Variants in PRKN observed in about 807,000 individuals in gnomAD.
The protein encoded by PRKN is E3 ubiquitin-protein ligase parkin.
PRKN carries 56 observed loss-of-function variants against 59.5 expected under a neutral mutation model. The ratio of observed to expected loss-of-function variants is 0.94; its 90% CI spans 0.76 to 1.18. The LOEUF is 1.18. Ranked by LOEUF, PRKN falls within the 50% of genes most tolerant of loss-of-function variation. The probability of loss-of-function intolerance (pLI) is 0.00; values close to 1 mark genes in which losing one functional copy is unlikely to be tolerated. For missense variants in PRKN, 657 were observed against 596.4 expected (o/e 1.10, Z -1.06); for synonymous variants, 250 against 222.1 (o/e 1.13, Z -1.12).
chr6:162,373,553 G>C (rs1785883917), intron 2 of PRKN, among the ~76,000 whole-genome samples: 1 of 152,002 alleles, frequency 6.6e-6, no homozygotes, highest in Admixed American at 6.6e-5. Context: ...TTTTGACTGA[G>C]TGAATTAGGA....
chr6:161,481,314 A>T (rs1791385199), intron 9 of PRKN, among the ~76,000 whole-genome samples: 1 of 152,246 alleles, frequency 6.6e-6, no homozygotes, highest in Middle Eastern at 3.4e-3. Context: ...AGTAATAAAA[A>T]GAACCTTTGG....
chr6:161,656,809 G>C (rs1199243900), intron 7 of PRKN, among the ~76,000 whole-genome samples: 1 of 152,062 alleles, frequency 6.6e-6, no homozygotes, highest in Admixed American at 6.6e-5. Flanking sequence ...TTATTGATTT[G>C]TTCTCATGTT....
intron 2 of PRKN, among the ~76,000 whole-genome samples, chr6:162,348,731 A>C (rs1409662782): frequency 6.6e-6 from 1 of 152,164 alleles, no homozygotes; most frequent in Non-Finnish European, 1.5e-5. Context: ...AAGGCCTTAC[A>C]AAAACAGAGC....
At chr6:161,889,146 A>C (rs1795252491) in intron 6 of PRKN, among the ~76,000 whole-genome samples, 1 of 152,188 alleles carries the variant, frequency 6.6e-6, no homozygotes. Flanking sequence ...CCAAGGTAAA[A>C]AGACGAAGAA....
At chr6:162,097,650 T>C (rs1204171760) in intron 4 of PRKN, among the ~76,000 whole-genome samples, 3 of 152,232 alleles carry the variant, frequency 2.0e-5, no homozygotes, top group Non-Finnish European at 4.4e-5. Context: ...CCACGTGTGA[T>C]TGACTAGGCA....
chr6:162,449,370 A>T (rs1328709291), intron 1 of PRKN, among the ~76,000 whole-genome samples: 1 of 152,166 alleles, frequency 6.6e-6, no homozygotes, highest in Non-Finnish European at 1.5e-5. Context: ...AATCTCATCT[A>T]CAGCAATCTA....
chr6:162,390,428 C>CACACACACACA (rs1456661955), intron 2 of PRKN, among the ~76,000 whole-genome samples: 1 of 136,860 alleles, frequency 7.3e-6, no homozygotes, highest in Admixed American at 7.2e-5. Context: ...CACACACACA[C>CACACACACACA]CTTATATATA....
intron 2 of PRKN, among the ~76,000 whole-genome samples, chr6:162,361,791 G>GTCCT (rs1269875930): frequency 1.3e-5 from 2 of 152,144 alleles, no homozygotes; most frequent in Non-Finnish European, 2.9e-5. Context: ...TATGCCAAGA[G>GTCCT]TCCTATCTGC....
intron 4 of PRKN, among the ~76,000 whole-genome samples, chr6:162,184,442 G>A (rs1015119692): frequency 1.3e-5 from 2 of 152,134 alleles, no homozygotes; most frequent in African/African-American, 2.4e-5. Flanking sequence ...TGAATCATGT[G>A]GGCGATTTCA....
chr6:162,669,787 T>C (rs1779251350), intron 1 of PRKN, among the ~76,000 whole-genome samples: 1 of 152,196 alleles, frequency 6.6e-6, no homozygotes, highest in African/African-American at 2.4e-5. Context: ...TTCCAAGGAC[T>C]GGAATTCCAT....
rs1764150078 is a variant in PRKN, at chr6:161,349,524, G to T, written c.*575C>A. 4.3e-6 allele frequency: 1 copy of T among 233,932 alleles called. No individual in the cohort carries two copies. The highest frequency in any genetic ancestry group is 2.2e-5 in the African/African-American group (1 of 45,282). The allele number at this position is 233,932 out of a possible 1,614,324, so 14.5% of individuals were successfully genotyped here. ...AAACAAATGTTTTTGACTATTGCCT[G>T]GGGTTCTTTGGGAATAGATGCTTTC... On this transcript the variant is annotated 3_prime_UTR_variant, in exon 12 of 12. Transcript: ENST00000366898. The surrounding 1 kb of genome is among the most constrained non-coding windows in gnomAD (Gnocchi z 5.5).
intron 4 of PRKN, among the ~76,000 whole-genome samples, chr6:162,143,788 T>A (rs1444973517): frequency 6.6e-6 from 1 of 152,074 alleles, no homozygotes; most frequent in Non-Finnish European, 1.5e-5. Context: ...TTGAATTGAG[T>A]CTTGAAAAAT....
At chr6:162,004,694 G>A (rs1782181838) in intron 5 of PRKN, among the ~76,000 whole-genome samples, 1 of 152,130 alleles carries the variant, frequency 6.6e-6, no homozygotes, top group Admixed American at 6.6e-5. Flanking sequence ...ATAGAACTGG[G>A]AGCACTTGGA....
At chr6:161,704,659 C>T (rs16892937) in intron 7 of PRKN, among the ~76,000 whole-genome samples, 5,582 of 152,194 alleles carry the variant, frequency 0.037, 161 homozygotes, top group African/African-American at 0.074. Context: ...TGGTCATCTC[C>T]CTGAGCCTGT....
At chr6:161,932,479 AAAGT>A (rs767698551) in intron 6 of PRKN, among the ~76,000 whole-genome samples, 1 of 152,212 alleles carries the variant, frequency 6.6e-6, no homozygotes, top group African/African-American at 2.4e-5. Context: ...AGAAAATTTC[AAAGT>A]AAGATAAAAA....
At chr6:162,043,304 ACAATG>A (rs1324056358) in intron 5 of PRKN, among the ~76,000 whole-genome samples, 2 of 152,212 alleles carry the variant, frequency 1.3e-5, no homozygotes, top group Non-Finnish European at 2.9e-5. Context: ...GGAAAAAATC[ACAATG>A]CTGGGATCCA....
intron 2 of PRKN, among the ~76,000 whole-genome samples, chr6:162,339,782 GT>G (rs1224731590): frequency 6.6e-6 from 1 of 150,754 alleles, no homozygotes; most frequent in African/African-American, 2.4e-5. Context: ...TTTTCATTTT[GT>G]TCTGCACTAA....
intron 10 of PRKN, among the ~76,000 whole-genome samples, chr6:161,368,574 C>A (rs1029681858): frequency 9.2e-5 from 14 of 151,550 alleles, no homozygotes; most frequent in African/African-American, 3.1e-4. Context: ...ACAACGAAAG[C>A]AACTACCACC....
chr6:162,662,952 T>C (rs1176017290), intron 1 of PRKN, among the ~76,000 whole-genome samples: 3 of 152,002 alleles, frequency 2.0e-5, no homozygotes, highest in Non-Finnish European at 4.4e-5. Context: ...CGATTGAAGC[T>C]GAAGGGAAAG....
Sources: gnomAD v4.1 joint callset for allele counts (sites outside exome capture counted in the v4.1 genomes callset) on GRCh38, gnomAD v4.1.1 for gene constraint, Gnocchi (gnomAD v3.1) non-coding constraint, MANE v1.5 for transcripts, NCBI Gene and HGNC (gene_info 2026-07-23, HGNC 2026-07-21) for gene names.